TSPAN18: variants seen among roughly 807,000 people sequenced by gnomAD.
The protein encoded by TSPAN18 is tetraspanin-18.
TSPAN18 carries 14 observed loss-of-function variants against 27.3 expected under a neutral mutation model. That is an observed-to-expected ratio of 0.51 (90% CI 0.34 to 0.80). The LOEUF is 0.80. Ranked by LOEUF, TSPAN18 falls within the 30% of genes least tolerant of loss-of-function variation. TSPAN18 has a pLI of 0.01. For synonymous variants in TSPAN18, 143 were observed against 136.5 expected, an observed-to-expected ratio of 1.05 and a Z score of -0.33; for missense variants, 268 against 323.9, an observed-to-expected ratio of 0.83 and a Z score of 1.32.
chr11:44,889,556 C>A (rs886554476), intron 3 of TSPAN18, among the ~76,000 whole-genome samples: 12 of 152,236 alleles, frequency 7.9e-5, no homozygotes, highest in African/African-American at 2.9e-4. Flanking sequence ...CCAGTTTGGG[C>A]TGCCTAGAAG....
At chr11:44,907,150 C>A (rs563146090) in intron 4 of TSPAN18, among the ~76,000 whole-genome samples, 1 of 152,296 alleles carries the variant, frequency 6.6e-6, no homozygotes, top group African/African-American at 2.4e-5. Flanking sequence ...GGGACAGCCC[C>A]GGACATTCAG....
chr11:44,805,231 C>G (rs1454965104), intron 2 of TSPAN18, among the ~76,000 whole-genome samples: 1 of 152,186 alleles, frequency 6.6e-6, no homozygotes, highest in Non-Finnish European at 1.5e-5. Context: ...AGAAAGGCAG[C>G]TCTAAATGGG....
At chr11:44,845,565 G>C (rs561254933) in intron 2 of TSPAN18, among the ~76,000 whole-genome samples, 1 of 152,322 alleles carries the variant, frequency 6.6e-6, no homozygotes, top group South Asian at 2.1e-4. Context: ...ATAGATGGGA[G>C]CCTTCACATA....
chr11:44,757,447 G>C (rs1035399123), intron 1 of TSPAN18, among the ~76,000 whole-genome samples: 10 of 152,056 alleles, frequency 6.6e-5, no homozygotes, highest in African/African-American at 2.2e-4. Flanking sequence ...GCAGTGGTGT[G>C]ATCTTGGCTC....
At chr11:44,852,237 C>T (rs1300281359) in intron 2 of TSPAN18, among the ~76,000 whole-genome samples, 2 of 152,220 alleles carry the variant, frequency 1.3e-5, no homozygotes, top group Admixed American at 1.3e-4. Flanking sequence ...ATTGGCCCTT[C>T]TTTTGTGCCA....
At chr11:44,728,117 C>G (rs1398183018) in intron 1 of TSPAN18, among the ~76,000 whole-genome samples, 2 of 152,152 alleles carry the variant, frequency 1.3e-5, no homozygotes, top group Non-Finnish European at 2.9e-5. Flanking sequence ...ACCCAACTTA[C>G]GCGGGGTCCC....
rs1010144801 is a variant in TSPAN18 at position 44,829,181 on chromosome 11, A to G, written c.-152-31147A>G. ...ACATTTGTTACAGTTGAACCAATAC[A>G]TTGCGATTAACTAAAGTTCATAGTT... is the stretch of plus-strand genomic sequence containing the variant. On this transcript the variant is annotated intron_variant, in intron 2 of 9. Coordinates refer to ENST00000520358, the MANE Select transcript of TSPAN18 (RefSeq NM_130783.5). 2.0e-5 allele frequency among the ~76,000 whole-genome samples: 3 copies of G among 152,178 alleles called. 1 individual carries two copies. The highest frequency in any genetic ancestry group is 1.5e-5 in the Non-Finnish European group (1 of 68,030).
chr11:44,825,784 G>C (rs560979441), intron 2 of TSPAN18, among the ~76,000 whole-genome samples: 2 of 152,084 alleles, frequency 1.3e-5, no homozygotes, highest in Non-Finnish European at 2.9e-5. Context: ...ATCCTCAGAC[G>C]TCCCCAGTTC....
chr11:44,760,500 A>G (rs888865443), intron 1 of TSPAN18, among the ~76,000 whole-genome samples: 1 of 152,162 alleles, frequency 6.6e-6, no homozygotes, highest in African/African-American at 2.4e-5. Context: ...TGGGGTATAT[A>G]TTCATGGTGT....
chr11:44,919,166 C>T, intron 6 of TSPAN18, 48 bp from the exon 7 acceptor site: 1 of 1,469,838 alleles, frequency 6.8e-7, no homozygotes, highest in Non-Finnish European at 9.5e-7. Context: ...AGGGTGGGGG[C>T]TGCACCCAAC....
At chr11:44,863,689 C>T (rs936656966) in intron 3 of TSPAN18, among the ~76,000 whole-genome samples, 1 of 152,186 alleles carries the variant, frequency 6.6e-6, no homozygotes, top group Admixed American at 6.5e-5. Flanking sequence ...TTGTCAAGCT[C>T]CTTCCGCTTG....
At position 44,915,303 on chromosome 11, in the gene TSPAN18, T is replaced by A. The variant is rs370323549; in HGVS notation, c.259-2669T>A. On this transcript the variant is annotated intron_variant, in intron 5 of 9. Coordinates refer to ENST00000520358, the MANE Select transcript of TSPAN18 (RefSeq NM_130783.5). ...CCAGGACCCCTGCCAGCGGCCTCCG[T>A]CACTGTCACAGGGGAGGCGAGGCTG... Among the ~76,000 whole-genome samples the A allele has an allele frequency of 7.9e-5, 12 of 152,224 alleles. No homozygotes were observed. The South Asian group carries it at 1.7e-3, about 21-fold the overall frequency.
At chr11:44,730,093 G>A (rs532333361) in intron 1 of TSPAN18, among the ~76,000 whole-genome samples, 1 of 152,308 alleles carries the variant, frequency 6.6e-6, no homozygotes, top group East Asian at 1.9e-4. Flanking sequence ...AGTGGAAGGT[G>A]CCTCTCCGGG....
At chr11:44,726,375 GC>G (rs1565122142), upstream of TSPAN18, 1 of 152,358 alleles carries the variant, frequency 6.6e-6, no homozygotes, top group Non-Finnish European at 1.5e-5. Flanking sequence ...AAGAACCTCA[GC>G]CCTGAGGCCG....
At chr11:44,768,856 T>G (rs2134908332) in intron 2 of TSPAN18, among the ~76,000 whole-genome samples, 1 of 152,134 alleles carries the variant, frequency 6.6e-6, no homozygotes, top group Non-Finnish European at 1.5e-5. Flanking sequence ...CAATTTTTCT[T>G]CATTAGATTG....
chr11:44,925,219 G>T (rs577891754), intron 8 of TSPAN18, among the ~76,000 whole-genome samples: 1 of 152,228 alleles, frequency 6.6e-6, no homozygotes, highest in African/African-American at 2.4e-5. Context: ...ATTACCTTGG[G>T]TATCGTCCTA....
In TSPAN18 at chr11:44,861,504, G is replaced by A. The variant is rs543418346; in HGVS notation, c.-11+1035G>A. On this transcript the variant is annotated intron_variant, in intron 3 of 9. Transcript: ENST00000520358. ...GGGGTCGGTGGTTGGGGGTGGTGTG[G>A]TGAGGTCGGTAGGTGTCGTGGGTTG... Among the ~76,000 whole-genome samples the A allele has an allele frequency of 2.8e-3, 424 of 149,814 alleles. 1 individual carries two copies. Among genetic ancestry groups the A allele is most frequent in the Non-Finnish European group, 4.4e-3 (300 of 67,488 alleles).
At chr11:44,897,703 T>C in intron 3 of TSPAN18, 3 of 1,212,292 alleles carry the variant, frequency 2.5e-6, no homozygotes, top group Non-Finnish European at 3.3e-6. Context: ...ATGGGGCTGC[T>C]CTTTATTGAC....
chr11:44,862,690 T>C (rs539685576), intron 3 of TSPAN18, among the ~76,000 whole-genome samples: 2 of 152,328 alleles, frequency 1.3e-5, no homozygotes, highest in African/African-American at 4.8e-5. Context: ...CCTCTGGGTG[T>C]CTTGCCCCCA....
Sources: allele counts gnomAD v4.1 joint callset (sites outside exome capture counted in the v4.1 genomes callset), GRCh38; gene constraint gnomAD v4.1.1; transcripts MANE v1.5; gene names NCBI Gene and HGNC (gene_info 2026-07-23, HGNC 2026-07-21).